The following PDGFRB variants were observed in gnomAD, a reference collection of about 807,000 sequenced individuals.
PDGFRB encodes platelet derived growth factor receptor beta.
In PDGFRB, 42 loss-of-function variants were observed where a neutral mutation model predicts 120.2. The observed-to-expected ratio is 0.35, with a 90% CI of 0.27 to 0.45. The LOEUF is 0.45. Among genes scored for constraint, PDGFRB ranks in the 20% least tolerant of loss-of-function variants. The probability of loss-of-function intolerance (pLI) is 1.00; values close to 1 mark genes in which losing one functional copy is unlikely to be tolerated. For synonymous variants in PDGFRB, 586 were observed against 606.8 expected (o/e 0.97, Z 0.50); for missense variants, 1,149 against 1,476.3 (o/e 0.78, Z 3.63).
rs771771665 is a variant in PDGFRB, at chr5:150,120,845, C to A, written c.2586+43G>T. ...AGGAGGGAATCTGTTCCTGCGGTCACAGGCACTGTGACTGCCCTGCAGGGG... is the reference window on the plus strand; with the variant it reads ...AGGAGGGAATCTGTTCCTGCGGTCAAAGGCACTGTGACTGCCCTGCAGGGG... On this transcript the variant is annotated intron_variant, in intron 18 of 22. Transcript: ENST00000261799. The surrounding 1 kb of genome is among the most constrained non-coding windows in gnomAD (Gnocchi z 4.3). 1 of 1,600,088 alleles carries A rather than the reference C, an allele frequency of 6.2e-7. No homozygotes were observed. Among genetic ancestry groups the A allele is most frequent in the South Asian group, 1.1e-5 (1 of 90,684 alleles).
intron 14 of PDGFRB, among the ~76,000 whole-genome samples, chr5:150,123,575 T>C (rs1760207778): frequency 6.6e-6 from 1 of 152,258 alleles, no homozygotes. Flanking sequence ...TAAAGGCCAC[T>C]GTTTACAACG....
intron 13 of PDGFRB, 134 bp from the exon 14 acceptor site, chr5:150,124,494 C>T: frequency 1.5e-6 from 1 of 683,468 alleles, no homozygotes. Context: ...GGTGAGCACC[C>T]ACACTCTGAG....
rs747398617 is a variant in PDGFRB, at chr5:150,118,761, C to T, written c.2890G>A (p.Glu964Lys). 36 of 1,609,374 alleles carry T rather than the reference C, an allele frequency of 2.2e-5. No individual in the cohort carries two copies. Among genetic ancestry groups the T allele is most frequent in the African/African-American group, 5.3e-5 (4 of 74,830 alleles). Reference sequence around the variant, plus strand: ...CCTCAACATACCTTTTTGTAACCTTCGCCCAACAGTCTCTCGAGAAGCAGC... The same window carrying T: ...CCTCAACATACCTTTTTGTAACCTTTGCCCAACAGTCTCTCGAGAAGCAGC... Reference protein sequence around the residue: ...LVLLLERLLGEGYKKKYQQVD... With the variant: ...LVLLLERLLGKGYKKKYQQVD... Residue 964 changes from glutamate (E) to lysine (K), a missense_variant, in exon 21 of 23, where the codon GAA becomes AAA. Glu to Lys is a moderately conservative substitution (Grantham distance 56). This residue lies in a region of PDGFRB where 202 missense variants were observed against 214.3 expected (regional missense o/e 0.94). Transcript: ENST00000261799.
At position 150,115,804 on chromosome 5, in the gene PDGFRB, A is replaced by AC. The variant is rs1320926532; in HGVS notation, c.3279dup (p.Cys1094ValfsTer11). 3 of 1,612,148 alleles carry AC rather than the reference A, an allele frequency of 1.9e-6. No individual in the cohort carries two copies. The Admixed American group carries it at 5.0e-5, about 27-fold the overall frequency. On this transcript the variant is annotated frameshift_variant, in exon 23 of 23. Transcript: ENST00000261799. LOFTEE classifies it high-confidence loss of function. ...TCTGCTTCCGCCCGAGGCGCAGGGCACCCCGAATCCGGCAACTGTTCCAGC... is the reference window on the plus strand; with the variant it reads ...TCTGCTTCCGCCCGAGGCGCAGGGCACCCCCGAATCCGGCAACTGTTCCAGC...
chr5:150,126,698 C>A (rs772655106), intron 10 of PDGFRB, 84 bp from the exon 11 acceptor site: 2 of 765,920 alleles, frequency 2.6e-6, no homozygotes, highest in Admixed American at 1.9e-5. Flanking sequence ...TAGATCCCTC[C>A]GTACACATCC....
chr5:150,150,084 T>G (rs1277851585), intron 1 of PDGFRB, among the ~76,000 whole-genome samples: 1 of 152,106 alleles, frequency 6.6e-6, no homozygotes, highest in Non-Finnish European at 1.5e-5. Flanking sequence ...CCAGGAAGAT[T>G]CCCATTTCTT....
chr5:150,117,536 GCGCGCGCGCACACACACACACACA>G, intron 22 of PDGFRB, 58 bp downstream of exon 22: 3 of 677,430 alleles, frequency 4.4e-6, no homozygotes, highest in Non-Finnish European at 7.4e-6. Context: ...CAGCGCGCGC[GCGCGCGCGCACACACACACACACA>G]CACACACACA....
At chr5:150,131,463 T>C (rs775654049) in intron 8 of PDGFRB, among the ~76,000 whole-genome samples, 8 of 152,140 alleles carry the variant, frequency 5.3e-5, no homozygotes, top group Non-Finnish European at 1.0e-4. Context: ...ACTCACACCA[T>C]CACTCTGTGC....
Position 150,129,909 on chromosome 5 carries a change from A to C in PDGFRB, c.1427T>G (p.Leu476Arg), listed in dbSNP as rs1760410841. The C allele has an allele frequency of 6.2e-7, 1 of 1,614,194 alleles. No individual in the cohort carries two copies. The highest frequency in any genetic ancestry group is 1.3e-5 in the African/African-American group (1 of 75,076). The change falls in exon 10 of 23, where the codon CTG (leucine) becomes CGG (arginine). Residue 476 changes from leucine (L) to arginine (R), a missense_variant. Physicochemically the swap from Leu to Arg is moderately radical, Grantham distance 102. Coordinates refer to ENST00000261799, the MANE Select transcript of PDGFRB (RefSeq NM_002609.4). ...CTCCCAGTACGTCACGTTAGTCTCC[A>C]GCTGGCTCTCCTCTTCGGAACTGTT... ...LGNSSEEESQLETNVTYWEEE... is the reference protein window; with the variant it reads ...LGNSSEEESQRETNVTYWEEE...
At chr5:150,118,644 G>C (rs905142051) in intron 21 of PDGFRB, 103 bp downstream of exon 21, 7 of 770,762 alleles carry the variant, frequency 9.1e-6, no homozygotes, top group Non-Finnish European at 1.6e-5. Flanking sequence ...GAGGACAAAG[G>C]GTGGTCCCCT....
intron 10 of PDGFRB, among the ~76,000 whole-genome samples, chr5:150,128,443 C>A (rs906752102): frequency 3.3e-5 from 5 of 152,252 alleles, no homozygotes; most frequent in Admixed American, 6.5e-5. Flanking sequence ...AGATGCCTCA[C>A]ATGGCCTTTG....
chr5:150,130,093 C>A (rs1217319328), intron 9 of PDGFRB, 125 bp from the exon 10 acceptor site: 10 of 761,760 alleles, frequency 1.3e-5, no homozygotes, highest in Admixed American at 8.1e-5. Flanking sequence ...TGTTTCCGAG[C>A]GGGCTCCTCC....
At chr5:150,155,049 T>C (rs1199244721) in intron 1 of PDGFRB, among the ~76,000 whole-genome samples, 2 of 152,042 alleles carry the variant, frequency 1.3e-5, no homozygotes, top group African/African-American at 4.8e-5. Context: ...GCCTACCTTC[T>C]CCCAATTCCC....
intron 1 of PDGFRB, among the ~76,000 whole-genome samples, chr5:150,145,114 T>A (rs1252738367): frequency 2.0e-5 from 3 of 152,218 alleles, no homozygotes; most frequent in Admixed American, 2.0e-4. Context: ...CAACCCTTCC[T>A]CTTCCTCCTC....
intron 14 of PDGFRB, among the ~76,000 whole-genome samples, chr5:150,123,682 C>A (rs1465635338): frequency 2.0e-5 from 3 of 152,134 alleles, no homozygotes; most frequent in African/African-American, 7.2e-5. Context: ...TTGAAATGAG[C>A]GATCATTGCA....
intron 22 of PDGFRB, among the ~76,000 whole-genome samples, chr5:150,117,351 G>A (rs1759966951): frequency 6.6e-6 from 1 of 152,154 alleles, no homozygotes; most frequent in South Asian, 2.1e-4. Flanking sequence ...ACCTCTGGGG[G>A]CTCCCTTAAA....
At chr5:150,137,992 CAG>C (rs1241199770) in intron 1 of PDGFRB, among the ~76,000 whole-genome samples, 1 of 152,152 alleles carries the variant, frequency 6.6e-6, no homozygotes, top group East Asian at 1.9e-4. Context: ...AGGACAAAGA[CAG>C]AGACAGAAGC....
At position 150,133,874 on chromosome 5, in the gene PDGFRB, A is replaced by G. The variant is rs1760549716; in HGVS notation, c.759+7T>C. On this transcript the variant is annotated splice_region_variant and intron_variant, in intron 5 of 22. Coordinates refer to ENST00000261799, the MANE Select transcript of PDGFRB (RefSeq NM_002609.4). ...CCTCCTCCGACCCCTGCCTGGCCCCACATTACTTCTTTGCGGGGGTATGTC... is the reference window on the plus strand; with the variant it reads ...CCTCCTCCGACCCCTGCCTGGCCCCGCATTACTTCTTTGCGGGGGTATGTC... 1.2e-6 allele frequency: 2 copies of G among 1,614,066 alleles called. No individual in the cohort carries two copies. Among genetic ancestry groups the G allele is most frequent in the African/African-American group, 2.7e-5 (2 of 75,028 alleles).
chr5:150,126,809 T>G (rs775707719), intron 10 of PDGFRB, among the ~76,000 whole-genome samples, 195 bp from the exon 11 acceptor site: 2 of 152,150 alleles, frequency 1.3e-5, no homozygotes, highest in Non-Finnish European at 2.9e-5. Context: ...AAATACTCCA[T>G]CCCCTCAGTA....
Sources: gnomAD v4.1 joint callset for allele counts (sites outside exome capture counted in the v4.1 genomes callset) on GRCh38, gnomAD v4.1.1 for gene constraint, gnomAD v4.1.1 regional missense constraint, Gnocchi (gnomAD v3.1) non-coding constraint, MANE v1.5 for transcripts, NCBI Gene and HGNC (gene_info 2026-07-23, HGNC 2026-07-21) for gene names.